KCNK10: variants seen among roughly 807,000 people sequenced by gnomAD.
The protein encoded by KCNK10 is potassium channel subfamily K member 10.
KCNK10 carries 25 observed loss-of-function variants against 47.7 expected under a neutral mutation model. The ratio of observed to expected loss-of-function variants is 0.52; its 90% confidence interval spans 0.38 to 0.73. The LOEUF is 0.73. Among genes scored for constraint, KCNK10 ranks in the 30% least tolerant of loss-of-function variants. The pLI is 0.00. For missense variants in KCNK10, 563 were observed against 714.5 expected (o/e 0.79, Z 2.42); for synonymous variants, 303 against 285.6 (o/e 1.06, Z -0.61).
intron 4 of KCNK10, among the ~76,000 whole-genome samples, chr14:88,197,010 T>A (rs1214891656): frequency 6.6e-6 from 1 of 152,022 alleles, no homozygotes; most frequent in Non-Finnish European, 1.5e-5. Context: ...CACACATCAG[T>A]GAGAATAGTG....
intron 1 of KCNK10, among the ~76,000 whole-genome samples, chr14:88,311,282 C>G (rs548961396): frequency 6.6e-6 from 1 of 152,264 alleles, no homozygotes; most frequent in East Asian, 1.9e-4. Context: ...TTTTAAAAAT[C>G]TGATTGTGTC....
intron 1 of KCNK10, among the ~76,000 whole-genome samples, chr14:88,299,218 G>A (rs1005203312): frequency 5.3e-5 from 8 of 152,288 alleles, no homozygotes; most frequent in Admixed American, 5.2e-4. Context: ...GCAAATACTT[G>A]TTGAAGTGAA....
intron 5 of KCNK10, among the ~76,000 whole-genome samples, chr14:88,189,844 A>G (rs1210454954): frequency 2.6e-5 from 4 of 152,196 alleles, no homozygotes; most frequent in African/African-American, 9.7e-5. Flanking sequence ...AAAGATAGAG[A>G]TAAACTTCCA....
intron 2 of KCNK10, among the ~76,000 whole-genome samples, chr14:88,254,876 GAAGA>G (rs72391992): frequency 0.16 from 24,894 of 152,108 alleles, 2,483 homozygotes; most frequent in East Asian, 0.38. Flanking sequence ...TCGCTTGAGA[GAAGA>G]AAGACGGGTG....
chr14:88,247,985 G>A (rs878998662), intron 2 of KCNK10, among the ~76,000 whole-genome samples: 4 of 152,184 alleles, frequency 2.6e-5, no homozygotes, highest in Non-Finnish European at 5.9e-5. Context: ...GGATAGATGT[G>A]TATACTTTGA....
chr14:88,286,481 A>G (rs923977108), intron 1 of KCNK10, among the ~76,000 whole-genome samples: 2 of 152,210 alleles, frequency 1.3e-5, no homozygotes, highest in African/African-American at 4.8e-5. Flanking sequence ...CATCCTGCAC[A>G]CTGACTAATA....
At chr14:88,280,589 T>G (rs1220732856) in intron 1 of KCNK10, among the ~76,000 whole-genome samples, 3 of 152,154 alleles carry the variant, frequency 2.0e-5, no homozygotes, top group East Asian at 1.9e-4. Context: ...CGCTTGTTAG[T>G]TGACCCAACC....
chr14:88,201,109 C>A (rs1885085902), intron 4 of KCNK10, among the ~76,000 whole-genome samples: 1 of 152,240 alleles, frequency 6.6e-6, no homozygotes, highest in Non-Finnish European at 1.5e-5. Flanking sequence ...ACTTCACATA[C>A]ATTGGCTGTT....
chr14:88,197,277 A>C (rs569576800), intron 4 of KCNK10, among the ~76,000 whole-genome samples: 30 of 151,700 alleles, frequency 2.0e-4, no homozygotes, highest in African/African-American at 3.4e-4. Context: ...TGGGATGGAA[A>C]AAAATAAAAT....
At chr14:88,315,817 G>T (rs17124497) in intron 1 of KCNK10, among the ~76,000 whole-genome samples, 170 of 152,214 alleles carry the variant, frequency 1.1e-3, no homozygotes, top group African/African-American at 3.7e-3. Context: ...AAGGGAGAAA[G>T]GACCCTTTGC....
At chr14:88,292,412 C>T (rs184243582) in intron 1 of KCNK10, among the ~76,000 whole-genome samples, 11 of 152,216 alleles carry the variant, frequency 7.2e-5, no homozygotes, top group African/African-American at 2.4e-4. Flanking sequence ...TGCAATGGCG[C>T]GATCTCGGCT....
intron 1 of KCNK10, among the ~76,000 whole-genome samples, chr14:88,321,583 C>G (rs548756389): frequency 6.6e-6 from 1 of 152,264 alleles, no homozygotes; most frequent in African/African-American, 2.4e-5. Context: ...CCAGAGATTT[C>G]AAGTAGAGAC....
intron 4 of KCNK10, among the ~76,000 whole-genome samples, chr14:88,219,607 G>A (rs1279873677): frequency 6.6e-6 from 1 of 152,218 alleles, no homozygotes; most frequent in South Asian, 2.1e-4. Flanking sequence ...GCAGTTAATT[G>A]ACATCTATGT....
In KCNK10 at chr14:88,261,787, C is replaced by T. The variant is rs569152232; in HGVS notation, c.402+1415G>A. Among the ~76,000 whole-genome samples the T allele has an allele frequency of 6.7e-4, 101 of 151,084 alleles. 1 individual carries two copies. The highest frequency in any genetic ancestry group is 2.1e-3 in the African/African-American group (87 of 41,284). On this transcript the variant is annotated intron_variant, in intron 2 of 6. Coordinates refer to ENST00000319231, the MANE Select transcript of KCNK10 (RefSeq NM_138317.3). ...AAAAGAAAAAGAAAAAAAAAAAAGA[C>T]AAAGCCATTTGGAGAACTGACTTCC... is the stretch of plus-strand genomic sequence containing the variant.
intron 1 of KCNK10, chr14:88,270,893 T>G: frequency 1.3e-6 from 1 of 772,038 alleles, no homozygotes; most frequent in South Asian, 1.4e-5. Context: ...CAGAGTAAAG[T>G]GCAGGCTCCA....
intron 1 of KCNK10, among the ~76,000 whole-genome samples, chr14:88,309,561 C>T (rs941333459): frequency 2.6e-5 from 4 of 152,240 alleles, no homozygotes; most frequent in African/African-American, 4.8e-5. Flanking sequence ...GTGATTGCAC[C>T]GCTGCACTCC....
intron 3 of KCNK10, among the ~76,000 whole-genome samples, chr14:88,233,742 T>C (rs755586756): frequency 3.3e-5 from 5 of 152,212 alleles, no homozygotes; most frequent in Non-Finnish European, 5.9e-5. Context: ...TCAATAAACA[T>C]AGTTGTTCAA....
intron 1 of KCNK10, among the ~76,000 whole-genome samples, chr14:88,268,792 C>G (rs1887336020): frequency 6.6e-6 from 1 of 152,156 alleles, no homozygotes; most frequent in Non-Finnish European, 1.5e-5. Context: ...AAAAGTGCTG[C>G]CAAGAATTGA....
intron 1 of KCNK10, among the ~76,000 whole-genome samples, chr14:88,293,363 GA>G: frequency 6.6e-6 from 1 of 152,256 alleles, no homozygotes; most frequent in East Asian, 1.9e-4. Flanking sequence ...CACAGAGCTA[GA>G]ATAGCATAGT....
Sources: gnomAD v4.1 joint callset for allele counts (sites outside exome capture counted in the v4.1 genomes callset) on GRCh38, gnomAD v4.1.1 for gene constraint, MANE v1.5 for transcripts, NCBI Gene and HGNC (gene_info 2026-07-23, HGNC 2026-07-21) for gene names.